Variants in RAPGEF2 observed in about 807,000 individuals in gnomAD.
RAPGEF2 encodes PDZ domain containing guanine nucleotide exchange factor (GEF) 1.
RAPGEF2 carries 54 observed loss-of-function variants against 186.7 expected under a neutral mutation model. The observed-to-expected ratio is 0.29, with a 90% CI of 0.23 to 0.36. The LOEUF (loss-of-function observed/expected upper bound fraction) is 0.36. Ranked by LOEUF, RAPGEF2 falls within the 10% of genes least tolerant of loss-of-function variation. The pLI, the probability that RAPGEF2 is intolerant of heterozygous loss-of-function variation, is 1.00. For missense variants in RAPGEF2, 1,532 were observed against 2,045.0 expected, an observed-to-expected ratio of 0.75 and a Z score of 4.84; for synonymous variants, 712 against 705.9, an observed-to-expected ratio of 1.01 and a Z score of -0.14.
intron 19 of RAPGEF2, among the ~76,000 whole-genome samples, chr4:159,340,741 AAAAAAC>A (rs138760940): frequency 0.59 from 53,743 of 91,342 alleles, 20,030 homozygotes; most frequent in African/African-American, 0.81. Context: ...GCATGTGTCT[AAAAAAC>A]AAAAACAAAA....
intron 1 of RAPGEF2, among the ~76,000 whole-genome samples, chr4:159,112,379 A>ATT (rs139607243): frequency 2.0e-5 from 3 of 148,958 alleles, no homozygotes; most frequent in East Asian, 3.9e-4. Context: ...TCCTTTTCAT[A>ATT]TTTTTTTTTT....
intron 9 of RAPGEF2, among the ~76,000 whole-genome samples, chr4:159,319,799 A>T (rs1765025517): frequency 6.6e-6 from 1 of 151,886 alleles, no homozygotes; most frequent in Admixed American, 6.6e-5. Flanking sequence ...CGCTACTTAT[A>T]TATCACAAAT....
chr4:159,169,383 A>G (rs1006444852), intron 1 of RAPGEF2, among the ~76,000 whole-genome samples: 13 of 152,238 alleles, frequency 8.5e-5, no homozygotes, highest in African/African-American at 1.9e-4. Flanking sequence ...ATATGCATAC[A>G]TTGTGGAATA....
chr4:159,198,870 A>G (rs1047253926), intron 3 of RAPGEF2, among the ~76,000 whole-genome samples: 2 of 151,872 alleles, frequency 1.3e-5, no homozygotes, highest in Admixed American at 1.3e-4. Flanking sequence ...AGTTGAGGCC[A>G]GGAGTTCGAG....
chr4:159,317,965 A>C (rs1764793644), intron 9 of RAPGEF2, among the ~76,000 whole-genome samples: 1 of 152,106 alleles, frequency 6.6e-6, no homozygotes, highest in Admixed American at 6.5e-5. Context: ...GAAATTTAAG[A>C]CTTTCAGTTG....
intron 17 of RAPGEF2, among the ~76,000 whole-genome samples, chr4:159,336,064 T>C (rs1214801454): frequency 6.6e-6 from 1 of 152,210 alleles, no homozygotes; most frequent in Non-Finnish European, 1.5e-5. Flanking sequence ...TTAACACTTT[T>C]AGTCTTTATG....
intron 7 of RAPGEF2, chr4:159,267,416 A>G (rs1757553513): frequency 8.1e-6 from 8 of 982,380 alleles, no homozygotes; most frequent in Non-Finnish European, 1.4e-6. Flanking sequence ...TCTTGCTAGC[A>G]GGCATGCTTG....
At chr4:159,299,430 T>TAAAA (rs56009800) in intron 7 of RAPGEF2, among the ~76,000 whole-genome samples, 6 of 140,672 alleles carry the variant, frequency 4.3e-5, no homozygotes, top group Non-Finnish European at 7.7e-5. Flanking sequence ...TCTTTTACAT[T>TAAAA]AAAAAAAAAA....
chr4:159,250,665 CTTTT>C (rs34304252), intron 7 of RAPGEF2, among the ~76,000 whole-genome samples: 21,540 of 122,928 alleles, frequency 0.18, 1,617 homozygotes, highest in Admixed American at 0.22. Flanking sequence ...TAGCACTCTT[CTTTT>C]TTTTTTTTTT....
intron 1 of RAPGEF2, among the ~76,000 whole-genome samples, chr4:159,166,882 T>C (rs1745377861): frequency 6.6e-6 from 1 of 152,186 alleles, no homozygotes; most frequent in Non-Finnish European, 1.5e-5. Context: ...TGGATGCTGA[T>C]GTGGGCAAAC....
In RAPGEF2 at chr4:159,287,410, C is replaced by T. The variant is rs28593764; in HGVS notation, c.544-16932C>T. 8.2e-3 allele frequency among the ~76,000 whole-genome samples: 1,242 copies of T among 152,162 alleles called. 13 individuals are homozygous for T. The highest frequency in any genetic ancestry group is 0.028 in the African/African-American group (1,171 of 41,536). ...TGATACGGAATTTTAGAAATACAGACATTCTATTTAGGAAGAATATTAATA... is the reference window on the plus strand; with the variant it reads ...TGATACGGAATTTTAGAAATACAGATATTCTATTTAGGAAGAATATTAATA... On this transcript the variant is annotated intron_variant, in intron 7 of 29. Transcript: ENST00000691494.
chr4:159,231,310 C>T lies in RAPGEF2; in HGVS notation c.282-7499C>T, dbSNP rs1427423678. On this transcript the variant is annotated intron_variant, in intron 4 of 29. Coordinates refer to ENST00000691494, the MANE Select transcript of RAPGEF2 (RefSeq NM_001394067.2). ...TAAAATCGCCAAACAACATATTTCC[C>T]AGAACATATCTCCATTCTTAAGCAA... Among the ~76,000 whole-genome samples the T allele has an allele frequency of 2.6e-5, 4 of 152,020 alleles. No individual in the cohort carries two copies. The East Asian group carries it at 7.7e-4, about 29-fold the overall frequency.
rs138360324 is a variant in RAPGEF2 at position 159,125,368 on chromosome 4, C to T, written c.69+21137C>T. 2.0e-4 allele frequency among the ~76,000 whole-genome samples: 31 copies of T among 152,264 alleles called. No homozygotes were observed. In the East Asian group the frequency reaches 6.0e-3, roughly 29 times the overall value. On this transcript the variant is annotated intron_variant, in intron 1 of 29. Coordinates refer to ENST00000691494, the MANE Select transcript of RAPGEF2 (RefSeq NM_001394067.2). ...TACATTTCCTTATCTTGTGTCAAAA[C>T]AGAAACTTACCAGAGTTTGTATTCC...
rs56843972 is a variant in RAPGEF2 at position 159,335,338 on chromosome 4, G to A, written c.2135+2641G>A. ...GCACACTATAAAACCAGTGCAGATC[G>A]AAAGACAATTTCAGTAACAAGGAAA... On this transcript the variant is annotated intron_variant, in intron 17 of 29. Coordinates refer to ENST00000691494, the MANE Select transcript of RAPGEF2 (RefSeq NM_001394067.2). 5.0e-3 allele frequency among the ~76,000 whole-genome samples: 757 copies of A among 152,238 alleles called. 5 individuals carry two copies. The highest frequency in any genetic ancestry group is 0.017 in the African/African-American group (695 of 41,532).
At chr4:159,270,154 A>C (rs1187325880) in intron 7 of RAPGEF2, among the ~76,000 whole-genome samples, 1 of 152,252 alleles carries the variant, frequency 6.6e-6, no homozygotes, top group East Asian at 1.9e-4. Context: ...TGCCATCTCA[A>C]GATGTCACAT....
intron 4 of RAPGEF2, among the ~76,000 whole-genome samples, chr4:159,214,884 G>T (rs1750854464): frequency 6.6e-6 from 1 of 152,130 alleles, no homozygotes; most frequent in Admixed American, 6.6e-5. Flanking sequence ...GGAGGGAGTT[G>T]TGGAGTCTTA....
At chr4:159,161,182 TTAA>T (rs1456233030) in intron 1 of RAPGEF2, among the ~76,000 whole-genome samples, 4 of 152,246 alleles carry the variant, frequency 2.6e-5, no homozygotes, top group African/African-American at 7.2e-5. Context: ...GATTCATGTA[TTAA>T]TTTGTTTTCA....
chr4:159,342,641 G>A (rs559830334), intron 20 of RAPGEF2, among the ~76,000 whole-genome samples: 177 of 129,558 alleles, frequency 1.4e-3, no homozygotes, highest in African/African-American at 4.8e-3. Context: ...TTGCTCAGTC[G>A]GTTTTATCAA....
At chr4:159,273,054 G>A (rs1758313230) in intron 7 of RAPGEF2, among the ~76,000 whole-genome samples, 1 of 152,248 alleles carries the variant, frequency 6.6e-6, no homozygotes. Context: ...TAGAAAAAAA[G>A]CACCAGGACT....
Sources: gnomAD v4.1 joint callset for allele counts (sites outside exome capture counted in the v4.1 genomes callset) on GRCh38, gnomAD v4.1.1 for gene constraint, MANE v1.5 for transcripts, NCBI Gene and HGNC (gene_info 2026-07-23, HGNC 2026-07-21) for gene names.